HORMAD1: variants seen among roughly 807,000 people sequenced by gnomAD.
The protein encoded by HORMAD1 is HORMA domain containing 1.
In HORMAD1, 33 loss-of-function variants were observed where a neutral mutation model predicts 58.2. The ratio of observed to expected loss-of-function variants is 0.57; its 90% CI spans 0.43 to 0.76. The LOEUF (loss-of-function observed/expected upper bound fraction) is 0.76, where lower values mean the gene tolerates loss of function less well. HORMAD1 is among the 30% of genes least tolerant of loss of function. The pLI is 0.00. For synonymous variants in HORMAD1, 137 were observed against 144.6 expected (o/e 0.95, Z 0.38); for missense variants, 363 against 462.0 (o/e 0.79, Z 1.96).
At chr1:150,703,102 C>G (rs1453480323) in intron 13 of HORMAD1, among the ~76,000 whole-genome samples, 2 of 152,118 alleles carry the variant, frequency 1.3e-5, no homozygotes, top group African/African-American at 4.8e-5. Flanking sequence ...GGCTCTGTAT[C>G]ATTGCTTGTT....
chr1:150,703,402 G>T lies in HORMAD1; in HGVS notation c.949-9C>A, dbSNP rs762786849. 2.1e-6 allele frequency: 3 copies of T among 1,437,454 alleles called. No homozygotes were observed. The highest frequency in any genetic ancestry group is 2.5e-5 in the South Asian group (2 of 80,332). 89.0% of individuals were successfully genotyped at this position (1,437,454 alleles called of 1,614,324 possible). On this transcript the variant is annotated splice_polypyrimidine_tract_variant and intron_variant, in intron 12 of 14. Transcript: ENST00000361824. ...TTGACTAACTGCTCAACCTAAAAAA[G>T]AAAATAATTACAAAAAATATAACTT...
intron 9 of HORMAD1, among the ~76,000 whole-genome samples, chr1:150,707,954 G>C (rs587751574): frequency 1.3e-5 from 2 of 151,944 alleles, no homozygotes; most frequent in East Asian, 3.9e-4. Flanking sequence ...AAAAGTTCCT[G>C]TTTCCCCACA....
At chr1:150,720,319 C>A (rs1004064063) in intron 1 of HORMAD1, among the ~76,000 whole-genome samples, 17 of 152,168 alleles carry the variant, frequency 1.1e-4, no homozygotes, top group African/African-American at 3.6e-4. Flanking sequence ...GCCTCGGCCC[C>A]CAAGGTGTTG....
rs1652104986 is a variant in HORMAD1, at chr1:150,717,125, AAT to A, written c.178+11_178+12del. The A allele has an allele frequency of 4.1e-6, 6 of 1,478,416 alleles. No individual in the cohort carries two copies. In the Admixed American group the frequency reaches 1.3e-4, roughly 33 times the overall value. 91.6% of individuals were successfully genotyped at this position (1,478,416 alleles called of 1,614,324 possible). A position where few individuals can be genotyped will look rare whatever the true frequency, so the allele number is the denominator to read the frequency against. ...CATTTTAAAAGAAAGCTTTAAAATAAATATTGTATTACCATCTAGATATCTTG... is the reference window on the plus strand; with the variant it reads ...CATTTTAAAAGAAAGCTTTAAAATAAATTGTATTACCATCTAGATATCTTG... On this transcript the variant is annotated intron_variant, in intron 3 of 14. Coordinates refer to ENST00000361824, the MANE Select transcript of HORMAD1 (RefSeq NM_032132.5).
Position 150,717,152 on chromosome 1 carries a change from G to A in HORMAD1, c.164C>T (p.Thr55Ile). The change falls in exon 3 of 15, where the codon ACA becomes ATA. Residue 55 changes from threonine to isoleucine, a missense_variant. By Grantham distance (89) the Thr-to-Ile change is moderately conservative (BLOSUM62 -1). Around this residue, in one of 3 missense-constraint regions of HORMAD1, gnomAD observed 128 missense variants for 171.8 expected, o/e 0.74. Coordinates refer to ENST00000361824, the MANE Select transcript of HORMAD1 (RefSeq NM_032132.5). ...RGIFPECAYG[T>I]RYLDDLCVKI... ...TATTGTATTACCATCTAGATATCTT[G>A]TTCCATAAGCGCATTCTGGGAATAT... is the stretch of plus-strand genomic sequence containing the variant. 6.4e-7 allele frequency: 1 copy of A among 1,563,936 alleles called. No individual in the cohort carries two copies.
In HORMAD1 at chr1:150,719,875, T is replaced by G. The variant is rs919122868; in HGVS notation, c.-33-337A>C. On this transcript the variant is annotated intron_variant, in intron 1 of 14. Transcript: ENST00000361824. ...AGGTAGGTATTCAGTAATGAAAAAT[T>G]GCCTGGCAAACCCTCTAAACTTTTT... Among the ~76,000 whole-genome samples the G allele has an allele frequency of 1.8e-4, 28 of 152,188 alleles. 1 individual carries two copies. The highest frequency in any genetic ancestry group is 2.1e-4 in the South Asian group (1 of 4,828).
chr1:150,710,082 T>C (rs1651826694), intron 7 of HORMAD1, among the ~76,000 whole-genome samples: 1 of 152,206 alleles, frequency 6.6e-6, no homozygotes, highest in African/African-American at 2.4e-5. Context: ...GTCCTTGGTA[T>C]GCTGAGCGCC....
chr1:150,702,491 T>C (rs890035583), intron 13 of HORMAD1, among the ~76,000 whole-genome samples: 5 of 152,170 alleles, frequency 3.3e-5, no homozygotes, highest in African/African-American at 1.2e-4. Context: ...ACTGCACCAC[T>C]ATTCACAATA....
chr1:150,706,536 T>G lies in HORMAD1; in HGVS notation c.804+17A>C. 2 of 1,571,472 alleles carry G rather than the reference T, an allele frequency of 1.3e-6. No individual in the cohort carries two copies. The highest frequency in any genetic ancestry group is 2.3e-5 in the South Asian group (2 of 87,862). ...ATTTGTTATTATTGTTCTTTATAAC[T>G]CTTGAAATACACTTACACTTGTATA... On this transcript the variant is annotated intron_variant, in intron 10 of 14. Transcript: ENST00000361824.
chr1:150,708,802 C>T (rs765587707), intron 8 of HORMAD1, 92 bp downstream of exon 8: 19 of 688,798 alleles, frequency 2.8e-5, no homozygotes, highest in Non-Finnish European at 4.8e-5. Context: ...GATGTCCCCG[C>T]AGTTTCAGAA....
intron 4 of HORMAD1, among the ~76,000 whole-genome samples, chr1:150,714,400 TAAAG>T (rs1179759460): frequency 2.6e-5 from 4 of 152,008 alleles, no homozygotes; most frequent in Admixed American, 6.6e-5. Flanking sequence ...GGGCACAAAA[TAAAG>T]AAACATTTAT....
At chr1:150,700,262 G>T in intron 13 of HORMAD1, 79 bp from the exon 14 acceptor site, 1 of 774,882 alleles carries the variant, frequency 1.3e-6, no homozygotes, top group African/African-American at 1.7e-5. Context: ...CTTATGCAAC[G>T]ATATGCAATA....
At chr1:150,718,344 A>ATTTTTTTT (rs34258924) in intron 2 of HORMAD1, among the ~76,000 whole-genome samples, 1 of 125,862 alleles carries the variant, frequency 7.9e-6, no homozygotes, top group Admixed American at 8.7e-5. Flanking sequence ...TGCCTGGCTA[A>ATTTTTTTT]TTTTTTTTTT....
In HORMAD1 at chr1:150,708,367, T is replaced by C; in HGVS notation, c.436A>G (p.Thr146Ala). 6.2e-7 allele frequency: 1 copy of C among 1,610,526 alleles called. No homozygotes were observed. Among genetic ancestry groups the C allele is most frequent in the South Asian group, 1.1e-5 (1 of 90,680 alleles). Residue 146 changes from threonine (T) to alanine (A), a missense_variant, in exon 9 of 15, where the codon ACC (threonine) becomes GCC (alanine). Thr to Ala is a moderately conservative substitution (Grantham distance 58, BLOSUM62 0). Coordinates refer to ENST00000361824, the MANE Select transcript of HORMAD1 (RefSeq NM_032132.5). ...SNESSMLSTD[T>A]KKASILLIRK... is the part of the protein sequence containing the mutation. ...ATGAGGAGAATGCTTGCTTTCTTGG[T>C]GTCAGTAGACAACATGCTAGATTCG...
chr1:150,699,253 T>G (rs1651461252), intron 14 of HORMAD1, among the ~76,000 whole-genome samples: 1 of 152,200 alleles, frequency 6.6e-6, no homozygotes, highest in Non-Finnish European at 1.5e-5. Flanking sequence ...GCAAATACAT[T>G]ATCTGATTTG....
chr1:150,699,983 C>A, intron 14 of HORMAD1, 129 bp downstream of exon 14: 3 of 491,202 alleles, frequency 6.1e-6, no homozygotes, highest in African/African-American at 2.0e-5. Flanking sequence ...TATATTTAAA[C>A]AAAATTTGAA....
At chr1:150,703,501 C>T in intron 12 of HORMAD1, 108 bp from the exon 13 acceptor site, 1 of 607,972 alleles carries the variant, frequency 1.6e-6, no homozygotes, top group Non-Finnish European at 2.8e-6. Flanking sequence ...AGGGTCTTGT[C>T]AAGTTAAAAC....
chr1:150,716,039 G>C (rs1652062542), intron 3 of HORMAD1, among the ~76,000 whole-genome samples: 1 of 150,710 alleles, frequency 6.6e-6, no homozygotes, highest in Admixed American at 6.6e-5. Flanking sequence ...ATGTGGTACA[G>C]CCATGCAATA....
rs77424133 is a variant in HORMAD1 at position 150,713,123 on chromosome 1, A to C, written c.279+962T>G. On this transcript the variant is annotated intron_variant, in intron 5 of 14. Transcript: ENST00000361824. ...ATGCCTGGCTGGTTTCTTCTCATTC[A>C]GGTCTCTTCAATGTCACTTCCTCAG... is the stretch of plus-strand genomic sequence containing the variant. 3.3e-4 allele frequency among the ~76,000 whole-genome samples: 51 copies of C among 152,276 alleles called. No homozygotes were observed. The East Asian group carries it at 9.6e-3, about 29-fold the overall frequency.
Sources: gnomAD v4.1 joint callset for allele counts (sites outside exome capture counted in the v4.1 genomes callset) on GRCh38, gnomAD v4.1.1 for gene constraint, gnomAD v4.1.1 regional missense constraint, MANE v1.5 for transcripts, NCBI Gene and HGNC (gene_info 2026-07-23, HGNC 2026-07-21) for gene names.